Variants in SNCB observed in about 807,000 individuals in gnomAD.
The protein encoded by SNCB is synuclein beta.
Under a neutral mutation model 20.0 loss-of-function variants are expected in SNCB, and 8 were observed. The ratio of observed to expected loss-of-function variants is 0.40; its 90% CI spans 0.24 to 0.72. The LOEUF (loss-of-function observed/expected upper bound fraction) is 0.72, where lower values mean the gene tolerates loss of function less well. SNCB is among the 30% of genes least tolerant of loss of function. The probability of loss-of-function intolerance (pLI) is 0.37; values close to 1 mark genes in which losing one functional copy is unlikely to be tolerated. For synonymous variants in SNCB, 56 were observed against 65.4 expected (o/e 0.86, Z 0.69); for missense variants, 125 against 168.0 (o/e 0.74, Z 1.41).
At chr5:176,622,930 T>C in intron 4 of SNCB, among the ~76,000 whole-genome samples, 1 of 151,136 alleles carries the variant, frequency 6.6e-6, no homozygotes, top group African/African-American at 2.4e-5. Context: ...AGAGATGGGG[T>C]TTCGCCATGT....
Position 176,626,387 on chromosome 5 carries a change from G to A in SNCB, c.282+11C>T. On this transcript the variant is annotated intron_variant, in intron 4 of 5. Transcript: ENST00000393693. The surrounding 1 kb of genome is among the most constrained non-coding windows in gnomAD (Gnocchi z 4.2). ...GTTTGCCTGCATGTGCGGGTCAGAA[G>A]GATCGCTTACCTTCAGATCAGTAGG... 1 of 1,537,444 alleles carries A rather than the reference G, an allele frequency of 6.5e-7. No homozygotes were observed. Among genetic ancestry groups the A allele is most frequent in the Non-Finnish European group, 9.0e-7 (1 of 1,111,138 alleles).
In SNCB at chr5:176,630,350, A is replaced by C. The variant is rs2113427727; in HGVS notation, c.-80T>G. 6.6e-6 allele frequency: 1 copy of C among 152,646 alleles called. No individual in the cohort carries two copies. The highest frequency in any genetic ancestry group is 2.0e-4 in the South Asian group (1 of 4,964). The allele number at this position is 152,646 out of a possible 1,614,324, so 9.5% of individuals were successfully genotyped here. A position where few individuals can be genotyped will look rare whatever the true frequency, so the allele number is the denominator to read the frequency against. ...GCGGACGCGGGGGCTCCGCTAGGCCAGGCCGGGGTGGACCAGGGGCCGGAG... is the reference window on the plus strand; with the variant it reads ...GCGGACGCGGGGGCTCCGCTAGGCCCGGCCGGGGTGGACCAGGGGCCGGAG... On this transcript the variant is annotated 5_prime_UTR_variant, in exon 1 of 6. Transcript: ENST00000393693.
Position 176,621,408 on chromosome 5 carries a change from T to C in SNCB, c.283-105A>G. 2 of 868,736 alleles carry C rather than the reference T, an allele frequency of 2.3e-6. No individual in the cohort carries two copies. The highest frequency in any genetic ancestry group is 3.8e-6 in the Non-Finnish European group (2 of 523,052). The allele number at this position is 868,736 out of a possible 1,614,324, so 53.8% of individuals were successfully genotyped here. On this transcript the variant is annotated intron_variant, in intron 4 of 5. Transcript: ENST00000393693. This position sits in a 1 kb window ranked among gnomAD's most constrained non-coding sequence, Gnocchi z 4.1. ...TTGGAGTGGGGAAGGCTAGGGTGGG[T>C]TGGCAGAGCAAGGATAATTTCTAAT...
rs537874543 is a variant in SNCB at position 176,623,739 on chromosome 5, C to T, written c.283-2436G>A. 2.3e-4 allele frequency among the ~76,000 whole-genome samples: 35 copies of T among 152,148 alleles called. No homozygotes were observed. The East Asian group carries it at 2.5e-3, about 11-fold the overall frequency. ...TAAAAAGTTCACTTAAAAAAATACC[C>T]ATAGCCTGTAATCCCAGATACTTGG... On this transcript the variant is annotated intron_variant, in intron 4 of 5. Coordinates refer to ENST00000393693, the MANE Select transcript of SNCB (RefSeq NM_003085.5).
chr5:176,620,539 C>T lies in SNCB; in HGVS notation c.*272G>A. The T allele has an allele frequency of 1.7e-6, 1 of 581,304 alleles. No homozygotes were observed. The highest frequency in any genetic ancestry group is 2.1e-5 in the South Asian group (1 of 47,962). The allele number at this position is 581,304 out of a possible 1,614,324, so 36.0% of individuals were successfully genotyped here. ...TAAAAACACATAGAACATGCTACAT[C>T]CGCGCAGACGCTGGATGGGAGGAGG... On this transcript the variant is annotated 3_prime_UTR_variant, in exon 6 of 6. Coordinates refer to ENST00000393693, the MANE Select transcript of SNCB (RefSeq NM_003085.5). This position sits in a 1 kb window ranked among gnomAD's most constrained non-coding sequence, Gnocchi z 4.5.
Position 176,629,764 on chromosome 5 carries a change from G to A in SNCB, c.-9-101C>T, listed in dbSNP as rs915036727. 15 of 1,464,440 alleles carry A rather than the reference G, an allele frequency of 1.0e-5. No individual in the cohort carries two copies. Among genetic ancestry groups the A allele is most frequent in the African/African-American group, 5.6e-5 (4 of 71,886 alleles). The allele number at this position is 1,464,440 out of a possible 1,614,324, so 90.7% of individuals were successfully genotyped here. On this transcript the variant is annotated intron_variant, in intron 1 of 5. Coordinates refer to ENST00000393693, the MANE Select transcript of SNCB (RefSeq NM_003085.5). The surrounding 1 kb of genome is among the most constrained non-coding windows in gnomAD (Gnocchi z 4.1). Reference sequence around the variant, plus strand: ...GCCCCCCTACTCCCGAGACCGCGGCGCCCTTCTGGACCCTGAGCCCCCTCC... The same window carrying A: ...GCCCCCCTACTCCCGAGACCGCGGCACCCTTCTGGACCCTGAGCCCCCTCC...
Position 176,626,875 on chromosome 5 carries a change from T to C in SNCB, c.122-114A>G. 1 of 1,066,946 alleles carries C rather than the reference T, an allele frequency of 9.4e-7. No individual in the cohort carries two copies. The allele number at this position is 1,066,946 out of a possible 1,614,324, so 66.1% of individuals were successfully genotyped here. A position where few individuals can be genotyped will look rare whatever the true frequency, so the allele number is the denominator to read the frequency against. On this transcript the variant is annotated intron_variant, in intron 2 of 5. Transcript: ENST00000393693. This position sits in a 1 kb window ranked among gnomAD's most constrained non-coding sequence, Gnocchi z 4.2. ...CTGGCCCCGTCACTGCCTCCTTGGG[T>C]CCCCACATCCTACAACCTGCACCCC... is the stretch of plus-strand genomic sequence containing the variant.
chr5:176,626,569 G>C lies in SNCB; in HGVS notation c.164-53C>G, dbSNP rs759561109. ...GGTTTGGGAGCCAGGGGGAAACACC[G>C]ATGCCCTGCCTTGTAGTATCCCAGG... On this transcript the variant is annotated intron_variant, in intron 3 of 5. Transcript: ENST00000393693. The surrounding 1 kb of genome is among the most constrained non-coding windows in gnomAD (Gnocchi z 4.2). 1.3e-6 allele frequency: 2 copies of C among 1,525,718 alleles called. No individual in the cohort carries two copies. Among genetic ancestry groups the C allele is most frequent in the East Asian group, 2.2e-5 (1 of 44,446 alleles). The allele number at this position is 1,525,718 out of a possible 1,614,324, so 94.5% of individuals were successfully genotyped here. A position where few individuals can be genotyped will look rare whatever the true frequency, so the allele number is the denominator to read the frequency against.
chr5:176,627,051 A>T (rs1339439708), intron 2 of SNCB, among the ~76,000 whole-genome samples: 1 of 152,222 alleles, frequency 6.6e-6, no homozygotes, highest in Non-Finnish European at 1.5e-5. Context: ...GCCCCGCTGC[A>T]CTTCACTTTT....
In SNCB at chr5:176,621,545, C is replaced by T. The variant is rs1759600844; in HGVS notation, c.283-242G>A. Among the ~76,000 whole-genome samples, 1 of 152,218 alleles carries T rather than the reference C, an allele frequency of 6.6e-6. No individual in the cohort carries two copies. Among genetic ancestry groups the T allele is most frequent in the Non-Finnish European group, 1.5e-5 (1 of 68,028 alleles). On this transcript the variant is annotated intron_variant, in intron 4 of 5. Transcript: ENST00000393693. The surrounding 1 kb of genome is among the most constrained non-coding windows in gnomAD (Gnocchi z 4.1). ...GTGGGAGCTGGCTCTCCACGCCGCT[C>T]CCCCAATGCCTGGCAGCCTCCACAC...
At chr5:176,624,820 A>AAC (rs1759838688) in intron 4 of SNCB, among the ~76,000 whole-genome samples, 2 of 151,398 alleles carry the variant, frequency 1.3e-5, no homozygotes, top group East Asian at 1.9e-4. Context: ...AAAAAAAACA[A>AAC]AAAAAAACAA....
At position 176,621,726 on chromosome 5, in the gene SNCB, T is replaced by C. The variant is rs1379794703; in HGVS notation, c.283-423A>G. Among the ~76,000 whole-genome samples, 1 of 152,170 alleles carries C rather than the reference T, an allele frequency of 6.6e-6. No homozygotes were observed. Among genetic ancestry groups the C allele is most frequent in the Admixed American group, 6.5e-5 (1 of 15,286 alleles). ...GGGCTGGGCAGGGGCTCTGAGCCAT[T>C]CCCCCGCCACCTTCCACTCATCCCT... is the stretch of plus-strand genomic sequence containing the variant. On this transcript the variant is annotated intron_variant, in intron 4 of 5. Transcript: ENST00000393693. The surrounding 1 kb of genome is among the most constrained non-coding windows in gnomAD (Gnocchi z 4.1).
chr5:176,627,187 T>A (rs1394369663), intron 2 of SNCB, among the ~76,000 whole-genome samples: 4 of 152,128 alleles, frequency 2.6e-5, no homozygotes, highest in Admixed American at 2.6e-4. Flanking sequence ...CCTAAAACTT[T>A]AGCTACCAAC....
intron 4 of SNCB, among the ~76,000 whole-genome samples, chr5:176,623,467 G>A (rs1477728633): frequency 6.6e-6 from 1 of 152,178 alleles, no homozygotes; most frequent in Non-Finnish European, 1.5e-5. Flanking sequence ...GGCTCCTGGA[G>A]TGTAGATGTT....
At chr5:176,622,708 A>G (rs527676616) in intron 4 of SNCB, among the ~76,000 whole-genome samples, 1 of 151,438 alleles carries the variant, frequency 6.6e-6, no homozygotes, top group South Asian at 2.1e-4. Flanking sequence ...GATACAGAAC[A>G]GAAGAGCATG....
intron 2 of SNCB, among the ~76,000 whole-genome samples, chr5:176,628,707 C>T (rs895573652): frequency 1.3e-5 from 2 of 152,314 alleles, no homozygotes; most frequent in East Asian, 1.9e-4. Context: ...GATGTCAACT[C>T]GCACTGCTGA....
At position 176,621,859 on chromosome 5, in the gene SNCB, C is replaced by T. The variant is rs1031565677; in HGVS notation, c.283-556G>A. ...GATGTGTGAGCTAAGACTCTCCCCC[C>T]CACCCGCTGCGTCTGCTGCCCAGAC... is the stretch of plus-strand genomic sequence containing the variant. On this transcript the variant is annotated intron_variant, in intron 4 of 5. Transcript: ENST00000393693. This position sits in a 1 kb window ranked among gnomAD's most constrained non-coding sequence, Gnocchi z 4.1. Among the ~76,000 whole-genome samples, 1 of 152,230 alleles carries T rather than the reference C, an allele frequency of 6.6e-6. No individual in the cohort carries two copies. Among genetic ancestry groups the T allele is most frequent in the Non-Finnish European group, 1.5e-5 (1 of 68,040 alleles).
intron 2 of SNCB, among the ~76,000 whole-genome samples, chr5:176,627,079 G>C (rs966195303): frequency 6.6e-6 from 1 of 152,196 alleles, no homozygotes; most frequent in Non-Finnish European, 1.5e-5. Context: ...CCTGGGAGGC[G>C]GGTGCTGTTA....
At position 176,629,795 on chromosome 5, in the gene SNCB, TC is replaced by T. The variant is rs1196858986; in HGVS notation, c.-9-133del. On this transcript the variant is annotated intron_variant, in intron 1 of 5. Coordinates refer to ENST00000393693, the MANE Select transcript of SNCB (RefSeq NM_003085.5). The surrounding 1 kb of genome is among the most constrained non-coding windows in gnomAD (Gnocchi z 4.1). ...CTGGACCCTGAGCCCCCTCCCGCTT[TC>T]CCCCCATCCCACCCCACTCCCCAGT... The T allele has an allele frequency of 7.4e-6, 9 of 1,217,078 alleles. No homozygotes were observed. Among genetic ancestry groups the T allele is most frequent in the African/African-American group, 4.6e-5 (3 of 65,764 alleles). The allele number at this position is 1,217,078 out of a possible 1,614,324, so 75.4% of individuals were successfully genotyped here. A position where few individuals can be genotyped will look rare whatever the true frequency, so the allele number is the denominator to read the frequency against.
Sources: gnomAD v4.1 joint callset for allele counts (sites outside exome capture counted in the v4.1 genomes callset) on GRCh38, gnomAD v4.1.1 for gene constraint, Gnocchi (gnomAD v3.1) non-coding constraint, MANE v1.5 for transcripts, NCBI Gene and HGNC (gene_info 2026-07-23, HGNC 2026-07-21) for gene names.